PARP15: variants seen among roughly 807,000 people sequenced by gnomAD.
PARP15 encodes poly(ADP-ribose) polymerase family member 15.
Under a neutral mutation model 62.1 loss-of-function variants are expected in PARP15, and 50 were observed. The ratio of observed to expected loss-of-function variants is 0.81; its 90% CI spans 0.64 to 1.02. The LOEUF is 1.02. PARP15 is among the 50% of genes least tolerant of loss of function. The pLI, the probability that PARP15 is intolerant of heterozygous loss-of-function variation, is 0.00. For missense variants in PARP15, 820 were observed against 826.5 expected, an observed-to-expected ratio of 0.99 and a Z score of 0.10; for synonymous variants, 309 against 293.1, an observed-to-expected ratio of 1.05 and a Z score of -0.55.
In PARP15 at chr3:122,577,671, G is replaced by A; in HGVS notation, c.4G>A (p.Ala2Thr). 1 of 1,551,628 alleles carries A rather than the reference G, an allele frequency of 6.4e-7. No homozygotes were observed. The highest frequency in any genetic ancestry group is 8.7e-7 in the Non-Finnish European group (1 of 1,146,958). ...CTGCAGTCCCAGCGAGCTGAGGATG[G>A]CTGCGCCAGGCCCCCTTCCTGCCGC... M[A>T]APGPLPAAAL... The change falls in exon 1 of 12, where the codon GCT (alanine) becomes ACT (threonine). Residue 2 changes from alanine (A) to threonine (T), a missense_variant. Ala to Thr is a moderately conservative substitution (Grantham distance 58, BLOSUM62 0). Transcript: ENST00000464300.
At chr3:122,598,654 T>C (rs1353140217) in intron 1 of PARP15, among the ~76,000 whole-genome samples, 1 of 152,176 alleles carries the variant, frequency 6.6e-6, no homozygotes, top group Non-Finnish European at 1.5e-5. Context: ...GCGTCAATTC[T>C]GCCATATTTT....
In PARP15 at chr3:122,621,607, A is replaced by C. The variant is rs763643458; in HGVS notation, c.1227A>C (p.Gly409=). The C allele has an allele frequency of 6.3e-6, 10 of 1,589,506 alleles. No homozygotes were observed. The Admixed American group carries it at 1.9e-4, about 30-fold the overall frequency. ...CATCGGTTTCCCTTCCAGCCATTGG[A>C]ACAGGTTTGCAGCTTATCATTCTAT... ...KYTSVSLPAI[G]TGNAGKNPIT... is the part of the protein sequence containing the mutation. Residue 409 remains glycine (G), a synonymous_variant, in exon 8 of 12, where the codon GGA becomes GGC. Coordinates refer to ENST00000464300, the MANE Select transcript of PARP15 (RefSeq NM_001113523.3).
intron 1 of PARP15, among the ~76,000 whole-genome samples, chr3:122,599,330 G>A (rs1462755471): frequency 6.6e-6 from 1 of 151,234 alleles, no homozygotes; most frequent in African/African-American, 2.4e-5. Flanking sequence ...ATGATATTGT[G>A]CCACTGCACT....
intron 1 of PARP15, among the ~76,000 whole-genome samples, chr3:122,593,738 C>T (rs1468026022): frequency 1.3e-5 from 2 of 152,116 alleles, no homozygotes; most frequent in Non-Finnish European, 2.9e-5. Context: ...TTCCCAGCCC[C>T]ACCTGCCCCA....
intron 1 of PARP15, among the ~76,000 whole-genome samples, chr3:122,586,636 A>G (rs933908292): frequency 6.6e-6 from 1 of 152,206 alleles, no homozygotes; most frequent in Admixed American, 6.5e-5. Context: ...TTTTTAAAAA[A>G]TAGTCTTTAA....
chr3:122,608,008 G>A (rs1471953585), intron 2 of PARP15, among the ~76,000 whole-genome samples: 1 of 151,886 alleles, frequency 6.6e-6, no homozygotes, highest in Non-Finnish European at 1.5e-5. Context: ...TATTTTAGCA[G>A]GTACTTCTCT....
intron 1 of PARP15, among the ~76,000 whole-genome samples, chr3:122,581,933 GA>G (rs1374235538): frequency 6.6e-6 from 1 of 152,188 alleles, no homozygotes; most frequent in African/African-American, 2.4e-5. Context: ...GGAAGTGAAA[GA>G]TCACCAGCTT....
At position 122,610,706 on chromosome 3, in the gene PARP15, T is replaced by A. The variant is rs548903622; in HGVS notation, c.519T>A (p.Asn173Lys). Residue 173 changes from asparagine (N) to lysine (K), a missense_variant, in exon 3 of 12, where the codon AAT becomes AAA. Around this residue, in one of 3 missense-constraint regions of PARP15, gnomAD observed 731 missense variants for 727.7 expected, o/e 1.00. Transcript: ENST00000464300. The part of the protein sequence containing the change: ...AVLHAVAPYW[N>K]NGAETSWQIM... ...TCCATGCTGTGGCTCCATACTGGAATAATGGAGCAGAGACTTCTTGGCAGG... is the reference window on the plus strand; with the variant it reads ...TCCATGCTGTGGCTCCATACTGGAAAAATGGAGCAGAGACTTCTTGGCAGG... 1.2e-5 allele frequency: 19 copies of A among 1,532,872 alleles called. No homozygotes were observed. The African/African-American group carries it at 2.6e-4, about 21-fold the overall frequency. 95.0% of individuals were successfully genotyped at this position (1,532,872 alleles called of 1,614,324 possible).
At chr3:122,607,270 T>C (rs974423640) in intron 2 of PARP15, among the ~76,000 whole-genome samples, 4 of 152,140 alleles carry the variant, frequency 2.6e-5, no homozygotes, top group African/African-American at 7.2e-5. Context: ...CTGGATGATA[T>C]AAAAGGACAG....
At chr3:122,608,213 C>CTTTTTTTTTTTTTTTTT in intron 2 of PARP15, among the ~76,000 whole-genome samples, 1 of 113,914 alleles carries the variant, frequency 8.8e-6, no homozygotes, top group Non-Finnish European at 1.8e-5. Context: ...TTTCTCTTTT[C>CTTTTTTTTTTTTTTTTT]TTTTTTTTTT....
At chr3:122,580,431 G>A (rs1480679413) in intron 1 of PARP15, among the ~76,000 whole-genome samples, 2 of 152,202 alleles carry the variant, frequency 1.3e-5, no homozygotes, top group East Asian at 3.9e-4. Context: ...TATTTGCACT[G>A]AAATCTACCA....
intron 2 of PARP15, among the ~76,000 whole-genome samples, chr3:122,609,388 C>T (rs1283808028): frequency 6.6e-6 from 1 of 151,998 alleles, no homozygotes; most frequent in Admixed American, 6.6e-5. Context: ...AGAAGAGTTC[C>T]CCAAAGAACC....
intron 1 of PARP15, among the ~76,000 whole-genome samples, chr3:122,588,895 A>G (rs1412902078): frequency 1.3e-5 from 2 of 152,214 alleles, no homozygotes; most frequent in East Asian, 1.9e-4. Context: ...TGCAGAATGT[A>G]TAAGAACTTC....
rs542232712 is a variant in PARP15, at chr3:122,599,818, T to C, written c.187-6118T>C. On this transcript the variant is annotated intron_variant, in intron 1 of 11. Transcript: ENST00000464300. ...TTGAACTCCTGGCCTCAAATGATCCTCCTGCCTTGGCCTCCCAAAGTACTG... is the reference window on the plus strand; with the variant it reads ...TTGAACTCCTGGCCTCAAATGATCCCCCTGCCTTGGCCTCCCAAAGTACTG... 1.4e-4 allele frequency among the ~76,000 whole-genome samples: 22 copies of C among 152,308 alleles called. No homozygotes were observed. In the South Asian group the frequency reaches 4.1e-3, roughly 29 times the overall value.
intron 2 of PARP15, among the ~76,000 whole-genome samples, chr3:122,608,213 C>CTTTTTTTTTTTTTTTTTTT (rs71136576): frequency 3.2e-4 from 37 of 113,906 alleles, no homozygotes; most frequent in Non-Finnish European, 5.0e-4. Flanking sequence ...TTTCTCTTTT[C>CTTTTTTTTTTTTTTTTTTT]TTTTTTTTTT....
At chr3:122,613,011 AC>A in intron 3 of PARP15, 29 bp from the exon 4 acceptor site, 1 of 1,524,656 alleles carries the variant, frequency 6.6e-7, no homozygotes, top group South Asian at 1.2e-5. Context: ...TTAAGCCCTA[AC>A]TTATGTAAAT....
chr3:122,581,999 A>T (rs1382659248), intron 1 of PARP15, among the ~76,000 whole-genome samples: 1 of 152,234 alleles, frequency 6.6e-6, no homozygotes, highest in East Asian at 1.9e-4. Flanking sequence ...GTGACTTAAA[A>T]AATTAGAGAA....
intron 2 of PARP15, among the ~76,000 whole-genome samples, chr3:122,608,808 C>A (rs1935360326): frequency 6.7e-6 from 1 of 149,874 alleles, no homozygotes; most frequent in Non-Finnish European, 1.5e-5. Flanking sequence ...TGCCTTGTCA[C>A]CTAGGCTGGA....
At chr3:122,600,797 T>C (rs1487556325) in intron 1 of PARP15, among the ~76,000 whole-genome samples, 1 of 151,920 alleles carries the variant, frequency 6.6e-6, no homozygotes, top group Non-Finnish European at 1.5e-5. Context: ...ATTACCTTTT[T>C]TTTTTTTAAG....
Sources: gnomAD v4.1 joint callset for allele counts (sites outside exome capture counted in the v4.1 genomes callset) on GRCh38, gnomAD v4.1.1 for gene constraint, gnomAD v4.1.1 regional missense constraint, MANE v1.5 for transcripts, NCBI Gene and HGNC (gene_info 2026-07-23, HGNC 2026-07-21) for gene names.